KNDC1: variants seen among roughly 807,000 people sequenced by gnomAD.
The protein encoded by KNDC1 is kinase non-catalytic C-lobe domain containing 1.
A neutral mutation model predicts 172.8 loss-of-function variants in KNDC1; 106 were observed. That is an observed-to-expected ratio of 0.61 (90% CI 0.52 to 0.72). KNDC1 has a LOEUF of 0.72. Ranked by LOEUF, KNDC1 falls within the 30% of genes least tolerant of loss-of-function variation. KNDC1 has a pLI of 0.00. For missense variants in KNDC1, 2,325 were observed against 2,394.5 expected (o/e 0.97, Z 0.61); for synonymous variants, 1,083 against 1,062.2 (o/e 1.02, Z -0.38).
chr10:133,223,990 T>C (rs531632845), intron 29 of KNDC1, among the ~76,000 whole-genome samples: 1 of 146,704 alleles, frequency 6.8e-6, no homozygotes, highest in East Asian at 2.0e-4. Context: ...TGTGTGTGTG[T>C]GTGTGAGAGA....
intron 3 of KNDC1, 107 bp downstream of exon 3, chr10:133,168,419 C>T: frequency 8.3e-7 from 1 of 1,202,376 alleles, no homozygotes; most frequent in African/African-American, 1.5e-5. Flanking sequence ...TGCAAGTGGC[C>T]TCTGGCCGGG....
chr10:133,191,028 A>G (rs1360325492), intron 9 of KNDC1, among the ~76,000 whole-genome samples: 1 of 152,186 alleles, frequency 6.6e-6, no homozygotes, highest in Non-Finnish European at 1.5e-5. Flanking sequence ...AGCTTTTTGG[A>G]GTAATAAAAA....
At chr10:133,177,569 A>G (rs914160586) in intron 3 of KNDC1, among the ~76,000 whole-genome samples, 2 of 151,142 alleles carry the variant, frequency 1.3e-5, no homozygotes, top group African/African-American at 2.4e-5. Flanking sequence ...GCATGTGTAC[A>G]TGCATGTGGT....
chr10:133,202,165 C>A (rs747378157), intron 17 of KNDC1: 31 of 690,134 alleles, frequency 4.5e-5, no homozygotes, highest in Non-Finnish European at 7.2e-5. Flanking sequence ...CTCATGGTCG[C>A]CCGGGCGATG....
At chr10:133,190,830 T>C (rs1009481042) in intron 9 of KNDC1, among the ~76,000 whole-genome samples, 1 of 152,222 alleles carries the variant, frequency 6.6e-6, no homozygotes, top group Non-Finnish European at 1.5e-5. Context: ...GTTGGTGCTG[T>C]GAGACCTGAA....
At position 133,163,047 on chromosome 10, in the gene KNDC1, G is replaced by C. The variant is rs1341778336; in HGVS notation, c.102+2478G>C. On this transcript the variant is annotated intron_variant, in intron 1 of 29. Coordinates refer to ENST00000304613, the MANE Select transcript of KNDC1 (RefSeq NM_152643.8). The surrounding 1 kb of genome is among the most constrained non-coding windows in gnomAD (Gnocchi z 4.4). Reference sequence around the variant, plus strand: ...AAGGAGGGCTTCCTGGAGGTGTCCTGCCCGGGATTCCCATGAGATTTCAGT... The same window carrying C: ...AAGGAGGGCTTCCTGGAGGTGTCCTCCCCGGGATTCCCATGAGATTTCAGT... Among the ~76,000 whole-genome samples the C allele has an allele frequency of 6.6e-6, 1 of 151,508 alleles. No individual in the cohort carries two copies. Among genetic ancestry groups the C allele is most frequent in the Non-Finnish European group, 1.5e-5 (1 of 67,948 alleles).
intron 26 of KNDC1, among the ~76,000 whole-genome samples, chr10:133,215,656 C>A (rs1441596968): frequency 6.6e-6 from 1 of 152,268 alleles, no homozygotes; most frequent in Non-Finnish European, 1.5e-5. Context: ...CCTGGCCAAC[C>A]CACATCGTCC....
intron 10 of KNDC1, among the ~76,000 whole-genome samples, chr10:133,196,022 T>C (rs1436643968): frequency 6.6e-6 from 1 of 152,214 alleles, no homozygotes; most frequent in East Asian, 1.9e-4. Context: ...CATGGCCACG[T>C]CCATGTGGGT....
Position 133,224,933 on chromosome 10 carries a change from T to C in KNDC1, c.*43T>C, listed in dbSNP as rs1845691148. 2 of 1,502,000 alleles carry C rather than the reference T, an allele frequency of 1.3e-6. No homozygotes were observed. Among genetic ancestry groups the C allele is most frequent in the African/African-American group, 2.8e-5 (2 of 72,334 alleles). 93.0% of individuals were successfully genotyped at this position (1,502,000 alleles called of 1,614,324 possible). A position where few individuals can be genotyped will look rare whatever the true frequency, so the allele number is the denominator to read the frequency against. On this transcript the variant is annotated 3_prime_UTR_variant, in exon 30 of 30. Transcript: ENST00000304613. The surrounding 1 kb of genome is among the most constrained non-coding windows in gnomAD (Gnocchi z 5.4). The stretch of plus-strand genomic sequence containing the variant: ...GTGGAATTCCAGATCCGAATCCGAC[T>C]GTGGGGGGCGGGCTGGGAGGTGGGA...
chr10:133,199,044 G>A lies in KNDC1; in HGVS notation c.2536G>A (p.Gly846Ser), dbSNP rs1230130058. ...ATERPGQEPE[G>S]PGATPAGERD... The stretch of plus-strand genomic sequence containing the variant: ...CGAGCGCCCGGGCCAGGAGCCAGAG[G>A]GCCCCGGGGCCACCCCTGCCGGGGA... Residue 846 changes from glycine to serine, a missense_variant, in exon 14 of 30, where the codon GGC becomes AGC. Physicochemically the swap from Gly to Ser is moderately conservative, Grantham distance 56 (BLOSUM62 0). Coordinates refer to ENST00000304613, the MANE Select transcript of KNDC1 (RefSeq NM_152643.8). 2 of 1,587,242 alleles carry A rather than the reference G, an allele frequency of 1.3e-6. No individual in the cohort carries two copies. The highest frequency in any genetic ancestry group is 1.8e-5 in the Admixed American group (1 of 56,294).
intron 3 of KNDC1, among the ~76,000 whole-genome samples, chr10:133,181,312 G>A (rs1853710565): frequency 6.6e-6 from 1 of 152,234 alleles, no homozygotes; most frequent in Non-Finnish European, 1.5e-5. Flanking sequence ...CCAGGGAGGC[G>A]GACCCTGGCC....
intron 2 of KNDC1, 48 bp from the exon 3 acceptor site, chr10:133,168,206 T>G: frequency 6.4e-7 from 1 of 1,565,846 alleles, no homozygotes; most frequent in Non-Finnish European, 8.8e-7. Context: ...GGTTCAGGTT[T>G]GCAGGTGTGA....
In KNDC1 at chr10:133,209,657, C is replaced by A. The variant is rs957538778; in HGVS notation, c.3795-954C>A. On this transcript the variant is annotated intron_variant, in intron 20 of 29. Coordinates refer to ENST00000304613, the MANE Select transcript of KNDC1 (RefSeq NM_152643.8). The surrounding 1 kb of genome is among the most constrained non-coding windows in gnomAD (Gnocchi z 4.9). ...GAGTGCTGTGCTTCCATGGAAGGAG[C>A]GTCTCCTGGCCGTGATGTGGTCACG... is the stretch of plus-strand genomic sequence containing the variant. 6.6e-6 allele frequency among the ~76,000 whole-genome samples: 1 copy of A among 152,000 alleles called. No individual in the cohort carries two copies. Among genetic ancestry groups the A allele is most frequent in the Non-Finnish European group, 1.5e-5 (1 of 67,972 alleles).
intron 1 of KNDC1, among the ~76,000 whole-genome samples, chr10:133,161,967 A>G (rs1281996196): frequency 6.6e-6 from 1 of 150,932 alleles, no homozygotes; most frequent in Non-Finnish European, 1.5e-5. Flanking sequence ...CTTTCTGCAC[A>G]CTCCCCACTC....
intron 17 of KNDC1, chr10:133,202,454 C>T (rs1257056913): frequency 2.5e-6 from 1 of 395,048 alleles, no homozygotes; most frequent in East Asian, 7.2e-5. Context: ...CAGGAGAGGC[C>T]TGCAGAGCTC....
rs377529055 is a variant in KNDC1, at chr10:133,167,638, G to T, written c.301+59G>T. ...GCACGCGGGGTGGAGGTGCCTTTCA[G>T]GGGGGATGTGAGCACTGGCTCTGCC... On this transcript the variant is annotated intron_variant, in intron 2 of 29. Transcript: ENST00000304613. 47 of 1,503,826 alleles carry T rather than the reference G, an allele frequency of 3.1e-5. No individual in the cohort carries two copies. The African/African-American group carries it at 4.1e-4, about 13-fold the overall frequency. 93.2% of individuals were successfully genotyped at this position (1,503,826 alleles called of 1,614,324 possible). A position where few individuals can be genotyped will look rare whatever the true frequency, so the allele number is the denominator to read the frequency against.
At chr10:133,187,406 C>T (rs749526980) in intron 6 of KNDC1, among the ~76,000 whole-genome samples, 81 of 152,266 alleles carry the variant, frequency 5.3e-4, no homozygotes, top group Non-Finnish European at 9.6e-4. Context: ...CTCAGTGAGC[C>T]ACCCCCAGCT....
chr10:133,165,354 G>T (rs182039507), intron 1 of KNDC1, among the ~76,000 whole-genome samples: 2 of 152,320 alleles, frequency 1.3e-5, no homozygotes, highest in Admixed American at 1.3e-4. Context: ...GTGTGCGAGT[G>T]GTGGCCCTGC....
chr10:133,212,734 C>G lies in KNDC1; in HGVS notation c.4255C>G (p.Pro1419Ala). Residue 1419 changes from proline to alanine, a missense_variant, in exon 24 of 30, where the codon CCC (proline) becomes GCC (alanine). Physicochemically the swap from Pro to Ala is conservative, Grantham distance 27 (BLOSUM62 -1). Transcript: ENST00000304613. ...ISRKSFPWRL[P>A]RGNGLVLPPH... Reference sequence around the variant, plus strand: ...CCTGCAGAGCTTCCCCTGGAGGCTGCCCCGAGGCAACGGGCTGGTGCTGCC... The same window carrying G: ...CCTGCAGAGCTTCCCCTGGAGGCTGGCCCGAGGCAACGGGCTGGTGCTGCC... 6.2e-7 allele frequency: 1 copy of G among 1,613,022 alleles called. No homozygotes were observed. Among genetic ancestry groups the G allele is most frequent in the Non-Finnish European group, 8.5e-7 (1 of 1,179,740 alleles).
Sources: allele counts gnomAD v4.1 joint callset (sites outside exome capture counted in the v4.1 genomes callset), GRCh38; gene constraint gnomAD v4.1.1; non-coding constraint Gnocchi (gnomAD v3.1); transcripts MANE v1.5; gene names NCBI Gene and HGNC (gene_info 2026-07-23, HGNC 2026-07-21).